Variants in ATP9B observed in about 807,000 individuals in gnomAD.
ATP9B encodes ATPase phospholipid transporting 9B, also known as probable phospholipid-transporting ATPase IIB.
A neutral mutation model predicts 146.1 loss-of-function variants in ATP9B; 110 were observed. The observed-to-expected ratio is 0.75, with a 90% CI of 0.65 to 0.88. The LOEUF is 0.88. Ranked by LOEUF, ATP9B falls within the 40% of genes least tolerant of loss-of-function variation. ATP9B has a pLI of 0.00. For missense variants in ATP9B, 1,499 were observed against 1,496.4 expected, an observed-to-expected ratio of 1.00 and a Z score of -0.03; for synonymous variants, 604 against 569.7, an observed-to-expected ratio of 1.06 and a Z score of -0.86.
intron 19 of ATP9B, among the ~76,000 whole-genome samples, chr18:79,339,687 A>T (rs1324460847): frequency 6.6e-6 from 1 of 151,686 alleles, no homozygotes; most frequent in Non-Finnish European, 1.5e-5. Context: ...TCATGATCGC[A>T]GTAGGAAGTG....
At chr18:79,329,943 A>G in intron 16 of ATP9B, 69 bp from the exon 17 acceptor site, 1 of 1,361,302 alleles carries the variant, frequency 7.3e-7, no homozygotes, top group Non-Finnish European at 1.1e-6. Flanking sequence ...ATGTTTTATT[A>G]GACTAGCAGT....
In ATP9B at chr18:79,110,349, A is replaced by T. The variant is rs778499175; in HGVS notation, c.294-6A>T. The T allele has an allele frequency of 3.2e-6, 5 of 1,580,508 alleles. No homozygotes were observed. Among genetic ancestry groups the T allele is most frequent in the African/African-American group, 1.4e-5 (1 of 70,494 alleles). The stretch of plus-strand genomic sequence containing the variant: ...ATACACAATACGTATCTTTTGTTTC[A>T]TACAGTTGCTGTGGTTGGCTGATAA... On this transcript the variant is annotated splice_polypyrimidine_tract_variant and splice_region_variant and intron_variant, in intron 2 of 29. Coordinates refer to ENST00000426216, the MANE Select transcript of ATP9B (RefSeq NM_198531.5).
chr18:79,122,076 T>C (rs774287480), intron 4 of ATP9B, among the ~76,000 whole-genome samples: 21 of 152,302 alleles, frequency 1.4e-4, no homozygotes, highest in African/African-American at 4.3e-4. Flanking sequence ...CCCTGGAAAT[T>C]AGAGGTAAAA....
At chr18:79,277,281 G>C (rs764279132) in intron 13 of ATP9B, 85 bp downstream of exon 13, 1 of 1,509,288 alleles carries the variant, frequency 6.6e-7, no homozygotes, top group Admixed American at 1.7e-5. Flanking sequence ...ATATGTTTAT[G>C]TGTATGTATA....
chr18:79,184,008 TTATAA>T (rs968432257), intron 8 of ATP9B, among the ~76,000 whole-genome samples: 37 of 152,328 alleles, frequency 2.4e-4, no homozygotes, highest in African/African-American at 7.9e-4. Flanking sequence ...ACTTCTGGCC[TTATAA>T]TATCTTCGCT....
At chr18:79,286,333 C>T (rs368357034) in intron 13 of ATP9B, among the ~76,000 whole-genome samples, 7 of 152,116 alleles carry the variant, frequency 4.6e-5, no homozygotes, top group East Asian at 1.9e-4. Flanking sequence ...AAGTCCTTCA[C>T]GTCCCTTGTA....
intron 12 of ATP9B, among the ~76,000 whole-genome samples, chr18:79,275,320 T>C (rs115857961): frequency 0.024 from 3,698 of 152,330 alleles, 121 homozygotes; most frequent in African/African-American, 0.077. Context: ...AGCTAAGTGG[T>C]CCATGACTTC....
chr18:79,099,391 T>A (rs1270518269), intron 2 of ATP9B, among the ~76,000 whole-genome samples: 1 of 152,056 alleles, frequency 6.6e-6, no homozygotes, highest in Non-Finnish European at 1.5e-5. Flanking sequence ...CCGGCTAATT[T>A]TTGTATTTTT....
At chr18:79,248,488 C>T (rs1216138329) in intron 11 of ATP9B, among the ~76,000 whole-genome samples, 2 of 152,070 alleles carry the variant, frequency 1.3e-5, no homozygotes, top group Non-Finnish European at 2.9e-5. Flanking sequence ...AATGCATAGC[C>T]CTATATCAGT....
At chr18:79,329,795 A>G (rs1184481418) in intron 16 of ATP9B, among the ~76,000 whole-genome samples, 1 of 152,224 alleles carries the variant, frequency 6.6e-6, no homozygotes, top group East Asian at 1.9e-4. Flanking sequence ...CCTTCAGCCT[A>G]GCATCTCAGG....
intron 12 of ATP9B, among the ~76,000 whole-genome samples, chr18:79,267,168 G>A (rs1043625455): frequency 4.6e-5 from 7 of 151,970 alleles, no homozygotes; most frequent in East Asian, 1.9e-4. Context: ...TTTTCAATTC[G>A]TAATCAAGTA....
intron 7 of ATP9B, among the ~76,000 whole-genome samples, chr18:79,157,207 TAC>T (rs147810207): frequency 0.073 from 9,892 of 135,152 alleles, 484 homozygotes; most frequent in East Asian, 0.14. Context: ...CTAAAAAAAA[TAC>T]ACACACACAC....
Position 79,377,452 on chromosome 18 carries a change from AGTGAACG to A in ATP9B, c.*70_*76del. On this transcript the variant is annotated 3_prime_UTR_variant, in exon 30 of 30. Transcript: ENST00000426216. ...CTTCCCAGCACCTTGTGCCCTTGCC[AGTGAACG>A]CAGGGTTTGCCATTGCTACCAAGCA... 1 of 1,560,928 alleles carries A rather than the reference AGTGAACG, an allele frequency of 6.4e-7. No homozygotes were observed. Among genetic ancestry groups the A allele is most frequent in the Non-Finnish European group, 8.7e-7 (1 of 1,153,450 alleles).
chr18:79,198,273 T>G (rs1280077012), intron 9 of ATP9B, among the ~76,000 whole-genome samples: 1 of 152,114 alleles, frequency 6.6e-6, no homozygotes, highest in Non-Finnish European at 1.5e-5. Context: ...TTCAAATATA[T>G]GGTGCCTATA....
At chr18:79,198,258 C>A (rs2095434686) in intron 9 of ATP9B, among the ~76,000 whole-genome samples, 1 of 151,934 alleles carries the variant, frequency 6.6e-6, no homozygotes, top group African/African-American at 2.4e-5. Context: ...TATAAAAAAG[C>A]AAGATTCAAA....
intron 9 of ATP9B, among the ~76,000 whole-genome samples, chr18:79,196,769 A>C (rs2095421476): frequency 6.6e-6 from 1 of 152,244 alleles, no homozygotes; most frequent in African/African-American, 2.4e-5. Flanking sequence ...ATATCAAGCA[A>C]ATACAAATAA....
At chr18:79,240,578 TC>T (rs1223119191) in intron 11 of ATP9B, among the ~76,000 whole-genome samples, 6 of 152,164 alleles carry the variant, frequency 3.9e-5, no homozygotes, top group African/African-American at 1.4e-4. Flanking sequence ...AAACCCCGTC[TC>T]TACTAAAAAT....
rs1234623543 is a variant in ATP9B, at chr18:79,070,342, A to G, written c.119+813A>G. Among the ~76,000 whole-genome samples the G allele has an allele frequency of 5.3e-5, 8 of 150,534 alleles. No homozygotes were observed. In the East Asian group the frequency reaches 1.5e-3, roughly 29 times the overall value. ...TTTCGGCCATTTGAGAGACTAACAT[A>G]TAGCTCAAAGTACATACTGGAATGT... On this transcript the variant is annotated intron_variant, in intron 1 of 29. Transcript: ENST00000426216.
At chr18:79,293,971 C>T (rs2096529547) in intron 13 of ATP9B, among the ~76,000 whole-genome samples, 3 of 152,054 alleles carry the variant, frequency 2.0e-5, no homozygotes, top group Non-Finnish European at 4.4e-5. Flanking sequence ...TAGAATTCCT[C>T]TCAGTTTTCT....
Sources: allele counts gnomAD v4.1 joint callset (sites outside exome capture counted in the v4.1 genomes callset), GRCh38; gene constraint gnomAD v4.1.1; transcripts MANE v1.5; gene names NCBI Gene and HGNC (gene_info 2026-07-23, HGNC 2026-07-21).